The following CFAP70 variants were observed in gnomAD, a reference collection of about 807,000 sequenced individuals.
CFAP70 encodes the protein cilia- and flagella-associated protein 70.
Under a neutral mutation model 137.6 loss-of-function variants are expected in CFAP70, and 81 were observed. The observed-to-expected ratio is 0.59, with a 90% confidence interval of 0.49 to 0.71. The LOEUF (loss-of-function observed/expected upper bound fraction) is 0.71. Ranked by LOEUF, CFAP70 falls within the 30% of genes least tolerant of loss-of-function variation. The pLI is 0.00. For synonymous variants in CFAP70, 382 were observed against 423.6 expected (o/e 0.90, Z 1.20); for missense variants, 976 against 1,226.7 (o/e 0.80, Z 3.05).
intron 7 of CFAP70, among the ~76,000 whole-genome samples, chr10:73,333,726 A>G (rs1046745507): frequency 1.3e-5 from 2 of 152,346 alleles, no homozygotes; most frequent in African/African-American, 2.4e-5. Flanking sequence ...GTTTCTGGCC[A>G]GTAGACATGC....
At chr10:73,269,657 T>C (rs1175517789) in exon 25 of CFAP70, 1 of 1,613,716 alleles carries the variant, frequency 6.2e-7, no homozygotes. Flanking sequence ...TTCAGCATTG[T>C]AGTTGTTCAA....
At chr10:73,298,034 C>T (rs1024651922) in intron 14 of CFAP70, among the ~76,000 whole-genome samples, 2 of 152,266 alleles carry the variant, frequency 1.3e-5, no homozygotes, top group Admixed American at 1.3e-4. Flanking sequence ...TTCTTTATAT[C>T]TGTTTAGTAC....
chr10:73,329,347 G>A (rs1457407357), intron 8 of CFAP70, among the ~76,000 whole-genome samples: 4 of 152,194 alleles, frequency 2.6e-5, no homozygotes, highest in South Asian at 4.2e-4. Flanking sequence ...TTGTGGGGTC[G>A]GGGGAGCGGG....
Position 73,331,243 on chromosome 10 carries a change from C to T in CFAP70, c.711G>A (p.Trp237Ter). ...GAGGAACTCTTGTGATCTCTACAGG[C>T]CAAAGCCGGCAATCGGCAATTCGCT... The change falls in exon 8 of 27, where the codon TGG (tryptophan) becomes TGA (stop). Residue 237 changes from tryptophan to a stop codon, truncating the protein, a stop_gained. Transcript: ENST00000310715. LOFTEE classifies it high-confidence loss of function. 6.2e-7 allele frequency: 1 copy of T among 1,613,572 alleles called. No individual in the cohort carries two copies. Among genetic ancestry groups the T allele is most frequent in the East Asian group, 2.2e-5 (1 of 44,860 alleles).
intron 10 of CFAP70, 52 bp from the exon 12 acceptor site, chr10:73,311,966 A>G (rs1362032196): frequency 7.4e-7 from 1 of 1,346,968 alleles, no homozygotes; most frequent in Middle Eastern, 1.8e-4. Context: ...CAGTCTTCAT[A>G]GTGACAAGAA....
At chr10:73,277,159 G>C in intron 21 of CFAP70, 81 bp downstream of exon 22, 1 of 1,448,640 alleles carries the variant, frequency 6.9e-7, no homozygotes, top group Non-Finnish European at 9.2e-7. Flanking sequence ...AAATATGGAA[G>C]CTTGAAAGAT....
intron 19 of CFAP70, among the ~76,000 whole-genome samples, chr10:73,290,456 A>G (rs889434751): frequency 6.6e-6 from 1 of 152,336 alleles, no homozygotes; most frequent in South Asian, 2.1e-4. Context: ...GACAATGAAT[A>G]TGTTCATTAT....
At chr10:73,273,368 A>C (rs2046452837) in intron 23 of CFAP70, among the ~76,000 whole-genome samples, 1 of 152,224 alleles carries the variant, frequency 6.6e-6, no homozygotes, top group Non-Finnish European at 1.5e-5. Context: ...ATGCAACATC[A>C]TGTGGTGGCA....
At chr10:73,338,484 G>A (rs2052920279) in intron 6 of CFAP70, among the ~76,000 whole-genome samples, 1 of 147,438 alleles carries the variant, frequency 6.8e-6, no homozygotes, top group Admixed American at 6.9e-5. Context: ...AGGCTGGAGT[G>A]CAGTGGCATG....
At chr10:73,308,865 T>C (rs532340931) in intron 12 of CFAP70, among the ~76,000 whole-genome samples, 6 of 141,290 alleles carry the variant, frequency 4.2e-5, no homozygotes, top group South Asian at 2.1e-4. Flanking sequence ...TAAAAAATTA[T>C]GAAATGCAGT....
intron 1 of CFAP70, 200 bp downstream of exon 1, chr10:73,358,578 G>A (rs2054855720): frequency 6.6e-6 from 1 of 152,512 alleles, no homozygotes; most frequent in Non-Finnish European, 1.5e-5. Context: ...GCGGCTTTTC[G>A]GTCTAAATAT....
At chr10:73,292,153 T>C in intron 16 of CFAP70, 139 bp from the exon 18 acceptor site, 1 of 1,036,104 alleles carries the variant, frequency 9.7e-7, no homozygotes, top group African/African-American at 1.6e-5. Context: ...TCACTGAATC[T>C]CAAATGCCTA....
At chr10:73,266,888 ACTC>A (rs761668276) in intron 25 of CFAP70, among the ~76,000 whole-genome samples, 7 of 148,684 alleles carry the variant, frequency 4.7e-5, no homozygotes, top group African/African-American at 1.0e-4. Flanking sequence ...ATTTATTTCT[ACTC>A]CTTATCATTT....
At chr10:73,348,647 G>T in intron 3 of CFAP70, 126 bp from the exon 4 acceptor site, 1 of 622,800 alleles carries the variant, frequency 1.6e-6, no homozygotes. Context: ...AGTACAGAAG[G>T]CACCAACATC....
At chr10:73,296,730 T>C (rs894121844) in intron 15 of CFAP70, 6 of 182,296 alleles carry the variant, frequency 3.3e-5, no homozygotes, top group Non-Finnish European at 4.6e-5. Context: ...ACAGAATAAA[T>C]AGAATGATAA....
At chr10:73,345,675 C>T (rs12249639) in intron 4 of CFAP70, among the ~76,000 whole-genome samples, 2,171 of 151,858 alleles carry the variant, frequency 0.014, 47 homozygotes, top group African/African-American at 0.045. Flanking sequence ...CATGGTGGTG[C>T]GCGCCTGTAG....
intron 8 of CFAP70, among the ~76,000 whole-genome samples, chr10:73,324,257 A>C (rs1243241366): frequency 7.2e-5 from 11 of 152,228 alleles, no homozygotes; most frequent in Non-Finnish European, 1.3e-4. Context: ...AAACTTCAAC[A>C]GATCTGCAGC....
At chr10:73,359,903 A>AC (rs1554935499), upstream of CFAP70, among the ~76,000 whole-genome samples, 81 of 151,670 alleles carry the variant, frequency 5.3e-4, no homozygotes, top group Middle Eastern at 3.4e-3. Flanking sequence ...ACTAAAAAAA[A>AC]ACACACACAC....
At chr10:73,289,573 C>T (rs1466267445) in intron 19 of CFAP70, among the ~76,000 whole-genome samples, 2 of 151,918 alleles carry the variant, frequency 1.3e-5, no homozygotes, top group African/African-American at 2.4e-5. Flanking sequence ...CATGAGCCAC[C>T]GTGCCCGGCA....
Sources: allele counts gnomAD v4.1 joint callset (sites outside exome capture counted in the v4.1 genomes callset), GRCh38; gene constraint gnomAD v4.1.1; transcripts MANE v1.5; gene names NCBI Gene and HGNC (gene_info 2026-07-23, HGNC 2026-07-21).